Variants in DIPK1C observed in about 807,000 individuals in gnomAD.
DIPK1C encodes the protein divergent protein kinase domain 1C.
In DIPK1C, 33 loss-of-function variants were observed where a neutral mutation model predicts 28.0. The observed-to-expected ratio is 1.18, with a 90% CI of 0.89 to 1.58. The LOEUF (loss-of-function observed/expected upper bound fraction) is 1.58. Ranked by LOEUF, DIPK1C falls within the 40% of genes most tolerant of loss-of-function variation. DIPK1C has a pLI of 0.00. For missense variants in DIPK1C, 569 were observed against 568.5 expected, an observed-to-expected ratio of 1.00 and a Z score of -0.01; for synonymous variants, 255 against 248.8, an observed-to-expected ratio of 1.02 and a Z score of -0.23.
intron 2 of DIPK1C, among the ~76,000 whole-genome samples, chr18:74,444,051 A>C (rs1318710479): frequency 6.6e-6 from 1 of 152,088 alleles, no homozygotes; most frequent in African/African-American, 2.4e-5. Flanking sequence ...AGTATTAAAA[A>C]AAAAAACAGA....
At chr18:74,454,301 G>A (rs141391274) in intron 1 of DIPK1C, among the ~76,000 whole-genome samples, 2,568 of 152,326 alleles carry the variant, frequency 0.017, 33 homozygotes, top group Admixed American at 0.023. Flanking sequence ...CCTCCCTGGG[G>A]AGGTGGAGTG....
chr18:74,443,422 C>G (rs1003899397), intron 2 of DIPK1C, among the ~76,000 whole-genome samples: 3 of 152,178 alleles, frequency 2.0e-5, no homozygotes, highest in African/African-American at 7.2e-5. Flanking sequence ...TCTGTCTCCC[C>G]CTGGGAGTTT....
At chr18:74,460,652 C>T (rs191008291), upstream of DIPK1C, among the ~76,000 whole-genome samples, 10 of 152,284 alleles carry the variant, frequency 6.6e-5, no homozygotes, top group African/African-American at 2.2e-4. Context: ...CTCCAATGAG[C>T]GGGACATAGG....
At chr18:74,439,495 ATT>A (rs1242058222) in intron 3 of DIPK1C, among the ~76,000 whole-genome samples, 1 of 152,164 alleles carries the variant, frequency 6.6e-6, no homozygotes, top group Non-Finnish European at 1.5e-5. Flanking sequence ...TAGAGCAAGA[ATT>A]TTGGGGGTAA....
Position 74,436,419 on chromosome 18 carries a change from T to C in DIPK1C, c.*82A>G. 2 of 1,347,100 alleles carry C rather than the reference T, an allele frequency of 1.5e-6. No homozygotes were observed. The highest frequency in any genetic ancestry group is 2.9e-5 in the South Asian group (2 of 69,384). 83.4% of individuals were successfully genotyped at this position (1,347,100 alleles called of 1,614,324 possible). ...GGCACCCCAGAGAGCACAGGGGAAA[T>C]GGCTCATCTTTAAAACAATGGCAGA... On this transcript the variant is annotated 3_prime_UTR_variant, in exon 4 of 4. Coordinates refer to ENST00000343998, the MANE Select transcript of DIPK1C (RefSeq NM_001044369.3).
chr18:74,440,103 C>T (rs1986088210), intron 3 of DIPK1C, among the ~76,000 whole-genome samples: 2 of 152,046 alleles, frequency 1.3e-5, no homozygotes, highest in South Asian at 4.1e-4. Flanking sequence ...CGCCACCTCG[C>T]CCGGCTAATT....
intron 2 of DIPK1C, among the ~76,000 whole-genome samples, chr18:74,442,489 C>A (rs760428898): frequency 6.6e-6 from 1 of 151,912 alleles, no homozygotes; most frequent in Non-Finnish European, 1.5e-5. Flanking sequence ...CCACCACACC[C>A]GGCTAATTTT....
upstream of DIPK1C, among the ~76,000 whole-genome samples, chr18:74,458,200 G>A (rs562491153): frequency 3.0e-4 from 46 of 152,122 alleles, no homozygotes; most frequent in Non-Finnish European, 5.3e-4. Flanking sequence ...CCCCAGGATA[G>A]GGGGAGGCGG....
At chr18:74,445,254 G>A (rs537359120) in intron 2 of DIPK1C, among the ~76,000 whole-genome samples, 1 of 152,240 alleles carries the variant, frequency 6.6e-6, no homozygotes, top group East Asian at 1.9e-4. Flanking sequence ...CAGTGTCTGG[G>A]AGACGCACAT....
chr18:74,449,304 A>AATATAAGGTACT (rs1180477687), intron 1 of DIPK1C, among the ~76,000 whole-genome samples: 8 of 152,308 alleles, frequency 5.3e-5, no homozygotes, highest in Non-Finnish European at 1.2e-4. Flanking sequence ...CCATAAGCAA[A>AATATAAGGTACT]ATATAAGGTA....
chr18:74,451,950 T>C (rs1986406448), intron 1 of DIPK1C, among the ~76,000 whole-genome samples: 1 of 152,234 alleles, frequency 6.6e-6, no homozygotes, highest in African/African-American at 2.4e-5. Flanking sequence ...CTGAGCATCA[T>C]CGCTTAGCCC....
At chr18:74,457,364 G>C (rs1986541874), upstream of DIPK1C, 1 of 851,472 alleles carries the variant, frequency 1.2e-6, no homozygotes, top group Non-Finnish European at 1.4e-6. Flanking sequence ...AGGGGGAACG[G>C]GGGAGGGGCC....
At chr18:74,443,304 C>A (rs1273884560) in intron 2 of DIPK1C, among the ~76,000 whole-genome samples, 1 of 152,172 alleles carries the variant, frequency 6.6e-6, no homozygotes, top group Non-Finnish European at 1.5e-5. Context: ...CCAAATCAAG[C>A]CGTTTATAGC....
upstream of DIPK1C, among the ~76,000 whole-genome samples, chr18:74,461,344 TTTCC>T (rs35281614): frequency 0.28 from 33,520 of 118,210 alleles, 4,421 homozygotes; most frequent in South Asian, 0.43. Context: ...TCCTTCCTTC[TTTCC>T]TTCCTTCCTT....
chr18:74,436,394 G>C lies in DIPK1C; in HGVS notation c.*107C>G, dbSNP rs867085052. The C allele has an allele frequency of 9.0e-7, 1 of 1,116,582 alleles. No homozygotes were observed. The highest frequency in any genetic ancestry group is 1.3e-6 in the Non-Finnish European group (1 of 799,112). 69.2% of individuals were successfully genotyped at this position (1,116,582 alleles called of 1,614,324 possible). ...CACTCCACAATGTGGAGACCAGAAC[G>C]GCACCCCAGAGAGCACAGGGGAAAT... On this transcript the variant is annotated 3_prime_UTR_variant, in exon 4 of 4. Coordinates refer to ENST00000343998, the MANE Select transcript of DIPK1C (RefSeq NM_001044369.3).
chr18:74,435,516 G>A lies in DIPK1C; in HGVS notation c.*985C>T, dbSNP rs1175211310. On this transcript the variant is annotated 3_prime_UTR_variant, in exon 4 of 4. Coordinates refer to ENST00000343998, the MANE Select transcript of DIPK1C (RefSeq NM_001044369.3). ...GTCTCTGGTCCTGCCTGGAGTCAATGCAGACCTCAGCATTTGCTCTACTTT... is the reference window on the plus strand; with the variant it reads ...GTCTCTGGTCCTGCCTGGAGTCAATACAGACCTCAGCATTTGCTCTACTTT... 1 of 152,164 alleles carries A rather than the reference G, an allele frequency of 6.6e-6. No homozygotes were observed. The highest frequency in any genetic ancestry group is 6.5e-5 in the Admixed American group (1 of 15,276). 9.4% of individuals were successfully genotyped at this position (152,164 alleles called of 1,614,324 possible).
At chr18:74,437,605 T>C (rs1986027090) in intron 3 of DIPK1C, among the ~76,000 whole-genome samples, 1 of 152,214 alleles carries the variant, frequency 6.6e-6, no homozygotes, top group South Asian at 2.1e-4. Flanking sequence ...ACAAAAACCT[T>C]CAACTTCCAT....
upstream of DIPK1C, among the ~76,000 whole-genome samples, chr18:74,460,826 C>T (rs1046598383): frequency 1.3e-5 from 2 of 152,216 alleles, no homozygotes; most frequent in Non-Finnish European, 2.9e-5. Context: ...CACTACTGAG[C>T]ACCTCTATTT....
intron 1 of DIPK1C, among the ~76,000 whole-genome samples, chr18:74,453,089 A>T (rs1054954976): frequency 2.0e-5 from 3 of 152,238 alleles, no homozygotes; most frequent in African/African-American, 2.4e-5. Context: ...ATTGATGCAC[A>T]TTCCCATCAA....
Sources: allele counts gnomAD v4.1 joint callset (sites outside exome capture counted in the v4.1 genomes callset), GRCh38; gene constraint gnomAD v4.1.1; transcripts MANE v1.5; gene names NCBI Gene and HGNC (gene_info 2026-07-23, HGNC 2026-07-21).